The following RCC1 variants were observed in gnomAD, a reference collection of about 807,000 sequenced individuals.
The protein encoded by RCC1 is regulator of chromosome condensation 1.
A neutral mutation model predicts 44.4 loss-of-function variants in RCC1; 11 were observed. The observed-to-expected ratio is 0.25, with a 90% confidence interval of 0.16 to 0.41. The LOEUF is 0.41. RCC1 is among the 10% of genes least tolerant of loss of function. The pLI, the probability that RCC1 is intolerant of heterozygous loss-of-function variation, is 1.00. For synonymous variants in RCC1, 213 were observed against 216.5 expected, an observed-to-expected ratio of 0.98 and a Z score of 0.14; for missense variants, 386 against 547.1, an observed-to-expected ratio of 0.71 and a Z score of 2.94.
intron 4 of RCC1, among the ~76,000 whole-genome samples, chr1:28,524,932 A>G (rs1000578735): frequency 6.6e-6 from 1 of 152,174 alleles, no homozygotes; most frequent in African/African-American, 2.4e-5. Flanking sequence ...GCAGTAGTGT[A>G]GCAGGATAAG....
intron 1 of RCC1, 129 bp from the exon 2 acceptor site, chr1:28,507,999 C>T (rs193042169): frequency 7.7e-5 from 24 of 311,960 alleles, no homozygotes; most frequent in African/African-American, 4.8e-4. Flanking sequence ...CGCTGGAGCC[C>T]AGGAGTGACC....
At chr1:28,506,248 C>T (rs989443353) in intron 1 of RCC1, 164 bp downstream of exon 1, 2 of 444,092 alleles carry the variant, frequency 4.5e-6, no homozygotes, top group African/African-American at 4.1e-5. Flanking sequence ...TCAGGCTGGA[C>T]TGCAGTGCTC....
At chr1:28,530,018 C>T in intron 5 of RCC1, 79 bp downstream of exon 5, 1 of 1,157,894 alleles carries the variant, frequency 8.6e-7, no homozygotes, top group Non-Finnish European at 1.3e-6. Flanking sequence ...TCCTTTCTTC[C>T]TGAGGCTTGA....
chr1:28,515,974 G>A (rs950479733), intron 3 of RCC1, among the ~76,000 whole-genome samples: 1 of 150,028 alleles, frequency 6.7e-6, no homozygotes, highest in Non-Finnish European at 1.5e-5. Context: ...CTGACGTTTA[G>A]GAGTTCAAGT....
chr1:28,506,269 C>G (rs1158888342), intron 1 of RCC1, 185 bp downstream of exon 1: 1 of 446,224 alleles, frequency 2.2e-6, no homozygotes, highest in Non-Finnish European at 4.5e-6. Flanking sequence ...GTTGCAACCT[C>G]CGCCTGCCGG....
At chr1:28,516,607 C>A (rs1207483214) in intron 3 of RCC1, 118 bp from the exon 4 acceptor site, 1 of 231,312 alleles carries the variant, frequency 4.3e-6, no homozygotes, top group Non-Finnish European at 8.7e-6. Context: ...CTTCCAACTG[C>A]CATGAGGTTT....
chr1:28,526,898 G>GAA (rs200034684), intron 4 of RCC1: 952 of 655,230 alleles, frequency 1.5e-3, no homozygotes, highest in South Asian at 2.2e-3. Flanking sequence ...CTCCGTCTCG[G>GAA]AAAAAAAAAA....
intron 4 of RCC1, among the ~76,000 whole-genome samples, chr1:28,528,140 T>G (rs1170223576): frequency 1.3e-5 from 2 of 151,096 alleles, no homozygotes; most frequent in African/African-American, 4.9e-5. Context: ...GCCAACATGG[T>G]GAAACCCCGT....
chr1:28,528,409 C>A (rs572308284), intron 4 of RCC1, among the ~76,000 whole-genome samples: 1 of 152,092 alleles, frequency 6.6e-6, no homozygotes, highest in African/African-American at 2.4e-5. Flanking sequence ...GAGCCGAGAT[C>A]GCACCATTGC....
intron 5 of RCC1, chr1:28,530,433 C>T: frequency 8.1e-7 from 1 of 1,233,650 alleles, no homozygotes; most frequent in Non-Finnish European, 1.1e-6. Flanking sequence ...GTCCTGGGAC[C>T]CCGGAGGGGG....
rs1411963980 is a variant in RCC1, at chr1:28,535,104, G to A, written c.496G>A (p.Val166Met). 8 of 1,614,192 alleles carry A rather than the reference G, an allele frequency of 5.0e-6. No individual in the cohort carries two copies. Among genetic ancestry groups the A allele is most frequent in the Non-Finnish European group, 6.8e-6 (8 of 1,180,018 alleles). The stretch of plus-strand genomic sequence containing the variant: ...GCCCATGAAGAAGAGCATGGTGCCT[G>A]TGCAGGTGCAGCTGGATGTGCCTGT... ...LEPMKKSMVP[V>M]QVQLDVPVVK... Residue 166 changes from valine (V) to methionine (M), a missense_variant, in exon 8 of 13, where the codon GTG (valine) becomes ATG (methionine). Val to Met is a conservative substitution (Grantham distance 21, BLOSUM62 1). Coordinates refer to ENST00000683442, the MANE Select transcript of RCC1 (RefSeq NM_001381865.2).
chr1:28,532,217 C>T lies in RCC1; in HGVS notation c.308C>T (p.Thr103Ile). Residue 103 changes from threonine to isoleucine, a missense_variant, in exon 7 of 13, where the codon ACA becomes ATA. By Grantham distance (89) the Thr-to-Ile change is moderately conservative. Coordinates refer to ENST00000683442, the MANE Select transcript of RCC1 (RefSeq NM_001381865.2). ...GATGAGGGTGCCCTGGGAAGGGACA[C>T]ATCAGTGGAGGGCTCGGAGATGGTC... ...CNDEGALGRDTSVEGSEMVPG... is the reference protein window; with the variant it reads ...CNDEGALGRDISVEGSEMVPG... 1 of 1,613,836 alleles carries T rather than the reference C, an allele frequency of 6.2e-7. No individual in the cohort carries two copies. The highest frequency in any genetic ancestry group is 8.5e-7 in the Non-Finnish European group (1 of 1,179,888).
At position 28,531,755 on chromosome 1, in the gene RCC1, C is replaced by T. The variant is rs201016874; in HGVS notation, c.74-48C>T. On this transcript the variant is annotated intron_variant, in intron 5 of 12. Coordinates refer to ENST00000683442, the MANE Select transcript of RCC1 (RefSeq NM_001381865.2). ...GATCCCAGAGCCTGTGACCTCTCCT[C>T]GCTGTCGTCATCCTCTACACTCAGG... is the stretch of plus-strand genomic sequence containing the variant. 24 of 1,446,742 alleles carry T rather than the reference C, an allele frequency of 1.7e-5. No homozygotes were observed. The South Asian group carries it at 3.0e-4, about 18-fold the overall frequency. The allele number at this position is 1,446,742 out of a possible 1,614,324, so 89.6% of individuals were successfully genotyped here. A position where few individuals can be genotyped will look rare whatever the true frequency, so the allele number is the denominator to read the frequency against.
chr1:28,528,017 A>G (rs1307984474), intron 4 of RCC1, among the ~76,000 whole-genome samples: 1 of 151,764 alleles, frequency 6.6e-6, no homozygotes, highest in Admixed American at 6.6e-5. Flanking sequence ...TTCAAAAAAA[A>G]AAAAAAAAAA....
At chr1:28,528,940 G>T (rs143902517) in intron 4 of RCC1, among the ~76,000 whole-genome samples, 1,720 of 133,082 alleles carry the variant, frequency 0.013, 37 homozygotes, top group African/African-American at 0.046. Flanking sequence ...TTGGCTCACC[G>T]CAACCTCCAC....
intron 4 of RCC1, among the ~76,000 whole-genome samples, chr1:28,522,639 C>T (rs1245013912): frequency 6.6e-6 from 1 of 151,216 alleles, no homozygotes; most frequent in East Asian, 1.9e-4. Context: ...GAGACCTTGT[C>T]TCTACAAGAA....
intron 7 of RCC1, among the ~76,000 whole-genome samples, chr1:28,534,163 C>T (rs960185471): frequency 1.3e-5 from 2 of 151,668 alleles, no homozygotes; most frequent in South Asian, 2.1e-4. Flanking sequence ...AGGCTTGAGC[C>T]GCCACGTCTG....
At chr1:28,507,211 A>G (rs946240720) in intron 1 of RCC1, 4 of 393,574 alleles carry the variant, frequency 1.0e-5, no homozygotes, top group African/African-American at 8.3e-5. Context: ...ATAGCTGAAT[A>G]TGCATGTTAC....
At chr1:28,526,574 A>G (rs2124641726) in intron 4 of RCC1, 2 of 567,854 alleles carry the variant, frequency 3.5e-6, no homozygotes, top group Non-Finnish European at 6.6e-6. Context: ...TAGAAGCAAC[A>G]ATTTCTGTAG....
Sources: gnomAD v4.1 joint callset for allele counts (sites outside exome capture counted in the v4.1 genomes callset) on GRCh38, gnomAD v4.1.1 for gene constraint, MANE v1.5 for transcripts, NCBI Gene and HGNC (gene_info 2026-07-23, HGNC 2026-07-21) for gene names.